OSBP2: variants seen among roughly 807,000 people sequenced by gnomAD.
The protein encoded by OSBP2 is oxysterol binding protein 2.
In OSBP2, 66 loss-of-function variants were observed where a neutral mutation model predicts 96.0. That is an observed-to-expected ratio of 0.69 (90% CI 0.56 to 0.84). The LOEUF (loss-of-function observed/expected upper bound fraction) is 0.84, where lower values mean the gene tolerates loss of function less well. OSBP2 is among the 40% of genes least tolerant of loss of function. OSBP2 has a pLI of 0.00. For synonymous variants in OSBP2, 525 were observed against 520.9 expected, an observed-to-expected ratio of 1.01 and a Z score of -0.11; for missense variants, 1,038 against 1,222.7, an observed-to-expected ratio of 0.85 and a Z score of 2.25.
rs1156950666 is a variant in OSBP2, at chr22:30,767,138, CAAAAA to C, written c.853+25787_853+25791del. ...TGAAATCCCATCTCTACTAAAAATACAAAAAAAAAAAAAAAAAAAAAATTAGCCGG... is the reference window on the plus strand; with the variant it reads ...TGAAATCCCATCTCTACTAAAAATACAAAAAAAAAAAAAAAAATTAGCCGG... On this transcript the variant is annotated intron_variant, in intron 2 of 13. Coordinates refer to ENST00000332585, the MANE Select transcript of OSBP2 (RefSeq NM_030758.4). Among the ~76,000 whole-genome samples the C allele has an allele frequency of 4.8e-3, 378 of 78,458 alleles. 3 individuals are homozygous for C. Among genetic ancestry groups the C allele is most frequent in the African/African-American group, 0.016 (346 of 21,252 alleles). 51.5% of individuals were successfully genotyped at this position (78,458 alleles called of 152,430 possible).
chr22:30,747,368 C>T (rs2145749711), intron 2 of OSBP2, among the ~76,000 whole-genome samples: 1 of 152,300 alleles, frequency 6.6e-6, no homozygotes, highest in South Asian at 2.1e-4. Context: ...GTAATTCCAA[C>T]ACTTTGGGAG....
chr22:30,781,812 A>G (rs1201703136), intron 2 of OSBP2, among the ~76,000 whole-genome samples: 1 of 152,162 alleles, frequency 6.6e-6, no homozygotes, highest in Non-Finnish European at 1.5e-5. Flanking sequence ...GAGTTTCCTG[A>G]TGGACAACCA....
chr22:30,888,905 G>C (rs2039879242), intron 5 of OSBP2, among the ~76,000 whole-genome samples: 1 of 152,146 alleles, frequency 6.6e-6, no homozygotes, highest in Non-Finnish European at 1.5e-5. Context: ...GAATATTGTA[G>C]GCAATTGTGA....
At position 30,726,152 on chromosome 22, in the gene OSBP2, G is replaced by C. The variant is rs549795893; in HGVS notation, c.645-15009G>C. On this transcript the variant is annotated intron_variant, in intron 1 of 13. Transcript: ENST00000332585. ...TGAAAGTTGTATTGATAGGAATGCT[G>C]TGCTTCATAAATTACTCTCATCCTA... is the stretch of plus-strand genomic sequence containing the variant. Among the ~76,000 whole-genome samples the C allele has an allele frequency of 2.6e-5, 4 of 152,268 alleles. No individual in the cohort carries two copies. The South Asian group carries it at 8.3e-4, about 32-fold the overall frequency.
intron 12 of OSBP2, 171 bp downstream of exon 12, chr22:30,894,172 T>C: frequency 1.6e-6 from 1 of 613,442 alleles, no homozygotes; most frequent in Admixed American, 2.9e-5. Flanking sequence ...GAACAGTAAA[T>C]AAATGTGAAA....
At chr22:30,865,027 C>G (rs913887559) in intron 2 of OSBP2, among the ~76,000 whole-genome samples, 1 of 152,312 alleles carries the variant, frequency 6.6e-6, no homozygotes, top group East Asian at 1.9e-4. Flanking sequence ...AAAGCTGCCC[C>G]CAACAGGGCT....
At chr22:30,759,145 C>T (rs1374723882) in intron 2 of OSBP2, among the ~76,000 whole-genome samples, 4 of 152,054 alleles carry the variant, frequency 2.6e-5, no homozygotes, top group Non-Finnish European at 4.4e-5. Context: ...GCCAGGAGTT[C>T]GAGACCAGCC....
At position 30,822,880 on chromosome 22, in the gene OSBP2, G is replaced by A. The variant is rs890516601; in HGVS notation, c.854-47549G>A. ...ACCCCTGTCCCCGCACCCCGCCGGC[G>A]TGCGCTCCCGGCTTGCTTCACGCGC... On this transcript the variant is annotated intron_variant, in intron 2 of 13. Transcript: ENST00000332585. Among the ~76,000 whole-genome samples, 13 of 152,354 alleles carry A rather than the reference G, an allele frequency of 8.5e-5. No individual in the cohort carries two copies. The South Asian group carries it at 1.2e-3, about 15-fold the overall frequency.
intron 2 of OSBP2, among the ~76,000 whole-genome samples, chr22:30,765,367 G>A (rs1185043333): frequency 6.6e-6 from 1 of 152,002 alleles, no homozygotes; most frequent in Non-Finnish European, 1.5e-5. Context: ...GTGCCACCAT[G>A]CCTGGCTAAT....
At chr22:30,752,081 C>T (rs927139033) in intron 2 of OSBP2, among the ~76,000 whole-genome samples, 3 of 152,082 alleles carry the variant, frequency 2.0e-5, no homozygotes, top group African/African-American at 7.2e-5. Flanking sequence ...TTCCCTGGAG[C>T]CCAGGACCAG....
chr22:30,694,845 G>C, upstream of OSBP2: 3 of 723,094 alleles, frequency 4.1e-6, no homozygotes, highest in Non-Finnish European at 5.4e-6. Flanking sequence ...TGCGCCCCCG[G>C]CCCCGCCCCC....
At chr22:30,779,345 C>T (rs1295010342) in intron 2 of OSBP2, among the ~76,000 whole-genome samples, 1 of 151,596 alleles carries the variant, frequency 6.6e-6, no homozygotes, top group African/African-American at 2.4e-5. Context: ...AGGTGATCTG[C>T]CTGCCTTTGC....
Position 30,782,977 on chromosome 22 carries a change from T to C in OSBP2, c.853+41608T>C, listed in dbSNP as rs142107349. Among the ~76,000 whole-genome samples the C allele has an allele frequency of 2.8e-3, 427 of 152,152 alleles. 4 individuals are homozygous for C. The highest frequency in any genetic ancestry group is 9.8e-3 in the African/African-American group (407 of 41,498). On this transcript the variant is annotated intron_variant, in intron 2 of 13. Transcript: ENST00000332585. ...AGGTTCTCCTGATGAGCAATACTTA[T>C]TTTGCCTTTCAAAAATGATTGTATG...
chr22:30,873,867 C>T (rs2039516141), intron 3 of OSBP2, among the ~76,000 whole-genome samples: 1 of 152,210 alleles, frequency 6.6e-6, no homozygotes, highest in Admixed American at 6.5e-5. Flanking sequence ...TCTCTTCCTA[C>T]AGGGACAGGC....
chr22:30,822,423 C>A, intron 2 of OSBP2: 2 of 1,004,642 alleles, frequency 2.0e-6, no homozygotes, highest in Non-Finnish European at 2.6e-6. Flanking sequence ...TCAGGCTGGG[C>A]TCGGCTCCCG....
At chr22:30,787,772 A>G (rs1220919615) in intron 2 of OSBP2, among the ~76,000 whole-genome samples, 5 of 152,216 alleles carry the variant, frequency 3.3e-5, no homozygotes, top group Non-Finnish European at 7.3e-5. Context: ...TGGGATTACA[A>G]TTGAAGATGA....
rs568400346 is a variant in OSBP2 at position 30,739,854 on chromosome 22, G to A, written c.645-1307G>A. 1.7e-4 allele frequency among the ~76,000 whole-genome samples: 24 copies of A among 144,386 alleles called. No individual in the cohort carries two copies. In the South Asian group the frequency reaches 4.9e-3, roughly 29 times the overall value. The allele number at this position is 144,386 out of a possible 152,430, so 94.7% of individuals were successfully genotyped here. On this transcript the variant is annotated intron_variant, in intron 1 of 13. Transcript: ENST00000332585. ...TGTTTTGTTTTGTTTGTTTGTTTGT[G>A]TTTGAGACAGAGTCTCGCTCTGTAG...
At chr22:30,767,408 A>G (rs971245046) in intron 2 of OSBP2, among the ~76,000 whole-genome samples, 2 of 152,140 alleles carry the variant, frequency 1.3e-5, no homozygotes, top group Non-Finnish European at 2.9e-5. Flanking sequence ...CACAGTTACC[A>G]GCTACCAGCT....
In OSBP2 at chr22:30,881,944, C is replaced by A; in HGVS notation, c.1108-5482C>A. The A allele has an allele frequency of 1.5e-6, 1 of 678,038 alleles. No homozygotes were observed. The highest frequency in any genetic ancestry group is 2.2e-6 in the Non-Finnish European group (1 of 456,394). The allele number at this position is 678,038 out of a possible 1,614,324, so 42.0% of individuals were successfully genotyped here. ...TTAGGGCACAGCAGTTTTCACCCTG[C>A]CCCGCTTTTAGGTGACTGTGACACT... On this transcript the variant is annotated intron_variant, in intron 3 of 13. Transcript: ENST00000332585. The surrounding 1 kb of genome is among the most constrained non-coding windows in gnomAD (Gnocchi z 4.5).
Sources: gnomAD v4.1 joint callset for allele counts (sites outside exome capture counted in the v4.1 genomes callset) on GRCh38, gnomAD v4.1.1 for gene constraint, Gnocchi (gnomAD v3.1) non-coding constraint, MANE v1.5 for transcripts, NCBI Gene and HGNC (gene_info 2026-07-23, HGNC 2026-07-21) for gene names.